Variants in MAML3 observed in about 807,000 individuals in gnomAD.
The protein encoded by MAML3 is mastermind-like protein 3.
Under a neutral mutation model 101.9 loss-of-function variants are expected in MAML3, and 27 were observed. That is an observed-to-expected ratio of 0.27 (90% CI 0.20 to 0.37). The LOEUF is 0.37. Among genes scored for constraint, MAML3 ranks in the 10% least tolerant of loss-of-function variants. MAML3 has a pLI of 1.00. For missense variants in MAML3, 1,316 were observed against 1,444.9 expected (o/e 0.91, Z 1.45); for synonymous variants, 501 against 555.9 (o/e 0.90, Z 1.39).
intron 1 of MAML3, among the ~76,000 whole-genome samples, chr4:139,946,925 A>ACACACACT (rs1335985003): frequency 6.7e-4 from 46 of 68,192 alleles, no homozygotes; most frequent in Admixed American, 2.3e-3. Context: ...ACACACACAC[A>ACACACACT]CTCTCTCTCT....
chr4:139,875,638 G>T (rs565533661), intron 2 of MAML3, among the ~76,000 whole-genome samples: 1 of 152,230 alleles, frequency 6.6e-6, no homozygotes, highest in East Asian at 1.9e-4. Context: ...CCCCAGGGCT[G>T]CTCACAAATG....
intron 1 of MAML3, among the ~76,000 whole-genome samples, chr4:140,022,670 G>A (rs575931722): frequency 5.9e-5 from 9 of 152,298 alleles, no homozygotes; most frequent in Non-Finnish European, 8.8e-5. Flanking sequence ...GGCACAGTCA[G>A]AAGAAAAATT....
chr4:140,039,389 C>T (rs544915931), intron 1 of MAML3, among the ~76,000 whole-genome samples: 2 of 152,308 alleles, frequency 1.3e-5, no homozygotes, highest in Admixed American at 6.5e-5. Context: ...TCCCACAGCC[C>T]ACAGCCATGG....
intron 1 of MAML3, among the ~76,000 whole-genome samples, chr4:140,130,287 T>C (rs1360066795): frequency 1.3e-5 from 2 of 152,212 alleles, no homozygotes; most frequent in African/African-American, 4.8e-5. Context: ...ATGTCTACGC[T>C]TACAGACTAT....
At chr4:139,761,424 G>T (rs906015053) in intron 2 of MAML3, among the ~76,000 whole-genome samples, 1 of 152,178 alleles carries the variant, frequency 6.6e-6, no homozygotes, top group South Asian at 2.1e-4. Flanking sequence ...TTTCACAGTT[G>T]TTCCCCTTCT....
At chr4:139,934,039 G>A (rs989039001) in intron 1 of MAML3, among the ~76,000 whole-genome samples, 1 of 152,136 alleles carries the variant, frequency 6.6e-6, no homozygotes, top group Non-Finnish European at 1.5e-5. Context: ...GTGTGGGACT[G>A]TGTGACACTA....
At position 139,922,479 on chromosome 4, in the gene MAML3, C is replaced by T. The variant is rs145185401; in HGVS notation, c.469-31512G>A. On this transcript the variant is annotated intron_variant, in intron 1 of 4. Transcript: ENST00000509479. ...CTAACCTCAAGCTAATGATACCAGT[C>T]GATAATGCAATGGATTGGTTTTCTG... Among the ~76,000 whole-genome samples the T allele has an allele frequency of 7.3e-3, 1,104 of 152,028 alleles. 10 individuals are homozygous for T. The highest frequency in any genetic ancestry group is 0.025 in the African/African-American group (1,023 of 41,486).
intron 1 of MAML3, among the ~76,000 whole-genome samples, chr4:139,942,444 TTC>T (rs1188050802): frequency 1.3e-5 from 2 of 152,140 alleles, no homozygotes; most frequent in Non-Finnish European, 2.9e-5. Context: ...CTGCAGTAAG[TTC>T]TCTGTGATTA....
intron 1 of MAML3, among the ~76,000 whole-genome samples, chr4:140,047,368 G>C (rs1337440541): frequency 2.6e-5 from 4 of 152,274 alleles, no homozygotes; most frequent in South Asian, 2.1e-4. Flanking sequence ...TCAAGGCAGA[G>C]AATTATACAC....
At chr4:140,024,899 A>G (rs1228441799) in intron 1 of MAML3, among the ~76,000 whole-genome samples, 1 of 152,186 alleles carries the variant, frequency 6.6e-6, no homozygotes, top group Non-Finnish European at 1.5e-5. Context: ...CTTAATAACA[A>G]AAGTGAGAGA....
intron 2 of MAML3, among the ~76,000 whole-genome samples, chr4:139,839,560 C>T (rs777907475): frequency 2.6e-5 from 4 of 151,702 alleles, no homozygotes; most frequent in South Asian, 2.1e-4. Context: ...AGATATGCAG[C>T]GTGTGTGTAC....
At chr4:139,779,836 C>G (rs913969789) in intron 2 of MAML3, among the ~76,000 whole-genome samples, 1 of 152,146 alleles carries the variant, frequency 6.6e-6, no homozygotes, top group African/African-American at 2.4e-5. Flanking sequence ...CTTTCTCCAC[C>G]CTGCAATCAG....
intron 1 of MAML3, among the ~76,000 whole-genome samples, chr4:139,947,763 A>T (rs1369787306): frequency 6.6e-6 from 1 of 152,110 alleles, no homozygotes; most frequent in Non-Finnish European, 1.5e-5. Flanking sequence ...AAACAAAACA[A>T]AACAATAACT....
rs70943437 is a variant in MAML3 at position 139,731,435 on chromosome 4, T to TAAAAAAAAAAAAA, written c.2080-781_2080-769dup. The stretch of plus-strand genomic sequence containing the variant: ...CAAGATGGTGAAACCCTGTCTCTAC[T>TAAAAAAAAAAAAA]AAAAAAAAAAAAAAAAAAAAAAAAA... On this transcript the variant is annotated intron_variant, in intron 2 of 4. Transcript: ENST00000509479. 4 of 38,716 alleles carry TAAAAAAAAAAAAA rather than the reference T, an allele frequency of 1.0e-4. 1 individual carries two copies. Among genetic ancestry groups the TAAAAAAAAAAAAA allele is most frequent in the Non-Finnish European group, 1.5e-4 (3 of 20,062 alleles). The allele number at this position is 38,716 out of a possible 1,614,324, so 2.4% of individuals were successfully genotyped here.
At chr4:139,757,642 CAAAAAA>C (rs10583574) in intron 2 of MAML3, among the ~76,000 whole-genome samples, 6 of 104,604 alleles carry the variant, frequency 5.7e-5, no homozygotes, top group Non-Finnish European at 7.6e-5. Context: ...GGCTCCATTT[CAAAAAA>C]AAAAAAAAAA....
chr4:139,925,857 G>A (rs1209608882), intron 1 of MAML3, among the ~76,000 whole-genome samples: 1 of 152,152 alleles, frequency 6.6e-6, no homozygotes, highest in African/African-American at 2.4e-5. Context: ...GAAGGCAAAG[G>A]AAGTGAAGGG....
At position 140,154,121 on chromosome 4, in the gene MAML3, G is replaced by GCCGCCGCCTCCT. The variant is rs981629651; in HGVS notation, c.-806_-795dup. 7.1e-5 allele frequency: 13 copies of GCCGCCGCCTCCT among 181,992 alleles called. No homozygotes were observed. Among genetic ancestry groups the GCCGCCGCCTCCT allele is most frequent in the Non-Finnish European group, 2.3e-5 (2 of 86,944 alleles). The allele number at this position is 181,992 out of a possible 1,614,324, so 11.3% of individuals were successfully genotyped here. ...TGATCAACTGCTCGCCGCCGCCGCCGCCGCCGCCTCCTCCTCCTCCTCTCG... is the reference window on the plus strand; with the variant it reads ...TGATCAACTGCTCGCCGCCGCCGCCGCCGCCGCCTCCTCCGCCGCCTCCTCCTCCTCCTCTCG... On this transcript the variant is annotated 5_prime_UTR_variant, in exon 1 of 5. Coordinates refer to ENST00000509479, the MANE Select transcript of MAML3 (RefSeq NM_018717.5).
At chr4:139,832,096 T>C (rs1273087815) in intron 2 of MAML3, among the ~76,000 whole-genome samples, 4 of 39,114 alleles carry the variant, frequency 1.0e-4, no homozygotes, top group East Asian at 1.3e-3. Context: ...CCCAGCCCCT[T>C]TTTTTTTTTT....
intron 2 of MAML3, among the ~76,000 whole-genome samples, chr4:139,814,557 C>A (rs1158908218): frequency 6.6e-6 from 1 of 152,144 alleles, no homozygotes; most frequent in South Asian, 2.1e-4. Flanking sequence ...AGATCTGTGC[C>A]CAAGCTTCTC....
Sources: gnomAD v4.1 joint callset for allele counts (sites outside exome capture counted in the v4.1 genomes callset) on GRCh38, gnomAD v4.1.1 for gene constraint, MANE v1.5 for transcripts, NCBI Gene and HGNC (gene_info 2026-07-23, HGNC 2026-07-21) for gene names.